Variants in ABCF3 observed in about 807,000 individuals in gnomAD.
ABCF3 encodes ATP-binding cassette sub-family F member 3.
In ABCF3, 62 loss-of-function variants were observed where a neutral mutation model predicts 94.3. The ratio of observed to expected loss-of-function variants is 0.66; its 90% CI spans 0.54 to 0.81. The LOEUF is 0.81. Ranked by LOEUF, ABCF3 falls within the 40% of genes least tolerant of loss-of-function variation. The probability of loss-of-function intolerance (pLI) is 0.00; values close to 1 mark genes in which losing one functional copy is unlikely to be tolerated. For missense variants in ABCF3, 843 were observed against 925.3 expected, an observed-to-expected ratio of 0.91 and a Z score of 1.15; for synonymous variants, 355 against 361.1, an observed-to-expected ratio of 0.98 and a Z score of 0.19.
chr3:184,188,860 C>G lies in ABCF3; in HGVS notation c.917+19C>G. 6.2e-7 allele frequency: 1 copy of G among 1,614,104 alleles called. No homozygotes were observed. Among genetic ancestry groups the G allele is most frequent in the Non-Finnish European group, 8.5e-7 (1 of 1,179,974 alleles). Reference sequence around the variant, plus strand: ...CTGCCAGGTATTTAAAGCTCCCCCTCCCTCCTTCAGATTTCCTTTCCCTTC... The same window carrying G: ...CTGCCAGGTATTTAAAGCTCCCCCTGCCTCCTTCAGATTTCCTTTCCCTTC... On this transcript the variant is annotated intron_variant, in intron 8 of 20. Coordinates refer to ENST00000429586, the MANE Select transcript of ABCF3 (RefSeq NM_018358.3).
chr3:184,186,442 G>C (rs1187662907), intron 1 of ABCF3, 65 bp from the exon 2 acceptor site: 1 of 1,581,450 alleles, frequency 6.3e-7, no homozygotes, highest in Non-Finnish European at 8.6e-7. Context: ...CTCTGTCTGG[G>C]GTCTGAAACT....
At position 184,193,168 on chromosome 3, in the gene ABCF3, G is replaced by A. The variant is rs756321624; in HGVS notation, c.1817G>A (p.Arg606His). Residue 606 changes from arginine (R) to histidine (H), a missense_variant, in exon 19 of 21, where the codon CGT becomes CAT. By Grantham distance (29) the Arg-to-His change is conservative. Transcript: ENST00000429586. The surrounding 1 kb of genome is among the most constrained non-coding windows in gnomAD (Gnocchi z 5.2). Reference sequence around the variant, plus strand: ...GGCATCTCCGGAGAACTGGCCATGCGTCCTCTTGCCAGCCTGTCTGGGGGC... The same window carrying A: ...GGCATCTCCGGAGAACTGGCCATGCATCCTCTTGCCAGCCTGTCTGGGGGC... ...RYGISGELAMRPLASLSGGQK... is the reference protein window; with the variant it reads ...RYGISGELAMHPLASLSGGQK... 40 of 1,568,900 alleles carry A rather than the reference G, an allele frequency of 2.5e-5. No individual in the cohort carries two copies. The highest frequency in any genetic ancestry group is 1.4e-5 in the African/African-American group (1 of 73,594).
intron 16 of ABCF3, among the ~76,000 whole-genome samples, chr3:184,191,738 AGTT>A (rs2109045463): frequency 2.9e-5 from 1 of 34,290 alleles, no homozygotes; most frequent in South Asian, 1.1e-3. Context: ...TTTTCTGTAG[AGTT>A]AGAGTTCCTT....
In ABCF3 at chr3:184,189,675, C is replaced by A; in HGVS notation, c.1232C>A (p.Thr411Asn). The change falls in exon 13 of 21, where the codon ACC becomes AAC. Residue 411 changes from threonine to asparagine, a missense_variant. Transcript: ENST00000429586. ...GATGGTTACCGGGGAGACTTTGAGA[C>A]CTTCATCAAGAGTAAGCAGGAGCGG... ...RLDGYRGDFE[T>N]FIKSKQERLL... 1 of 1,614,186 alleles carries A rather than the reference C, an allele frequency of 6.2e-7. No homozygotes were observed.
chr3:184,186,643 C>T lies in ABCF3; in HGVS notation c.210C>T (p.Asn70=), dbSNP rs747952666. ...GIRAVCQRMY[N]TLRLAEPQSQ... is the part of the protein sequence containing the mutation. ...GGGCCGTGTGCCAGCGCATGTACAA[C>T]ACTCTGCGTCTGTATGTGCCAGGGA... Residue 70 remains asparagine (N), a synonymous_variant, in exon 2 of 21, where the codon AAC becomes AAT. Coordinates refer to ENST00000429586, the MANE Select transcript of ABCF3 (RefSeq NM_018358.3). The T allele has an allele frequency of 6.2e-7, 1 of 1,609,058 alleles. No homozygotes were observed.
intron 14 of ABCF3, 110 bp downstream of exon 14, chr3:184,190,041 A>T: frequency 5.3e-6 from 6 of 1,137,414 alleles, no homozygotes; most frequent in Non-Finnish European, 7.8e-6. Flanking sequence ...GCTAGAAGCC[A>T]ACTGTGACTT....
At position 184,193,720 on chromosome 3, in the gene ABCF3, C is replaced by T. The variant is rs1165798412; in HGVS notation, c.*22C>T. On this transcript the variant is annotated 3_prime_UTR_variant, in exon 21 of 21. Transcript: ENST00000429586. The surrounding 1 kb of genome is among the most constrained non-coding windows in gnomAD (Gnocchi z 5.2). ...CTAGGGCCACCAGGCTGAGGACTCG[C>T]CCAGGACATGGACTGGTCTCTCAGA... 1.3e-6 allele frequency: 2 copies of T among 1,579,964 alleles called. No homozygotes were observed. The highest frequency in any genetic ancestry group is 1.7e-6 in the Non-Finnish European group (2 of 1,162,344).
chr3:184,188,440 C>G, intron 7 of ABCF3, 33 bp downstream of exon 7: 1 of 1,585,670 alleles, frequency 6.3e-7, no homozygotes, highest in Non-Finnish European at 8.6e-7. Context: ...TAACTAGCAG[C>G]CGCTGTCGCT....
At chr3:184,190,081 C>G in intron 14 of ABCF3, 150 bp downstream of exon 14, 3 of 809,522 alleles carry the variant, frequency 3.7e-6, no homozygotes, top group Non-Finnish European at 6.0e-6. Context: ...GAGTATTCCA[C>G]ACTGTTCTTG....
intron 1 of ABCF3, 92 bp downstream of exon 1, chr3:184,186,372 C>G (rs538039758): frequency 6.3e-7 from 1 of 1,590,728 alleles, no homozygotes; most frequent in African/African-American, 1.3e-5. Flanking sequence ...GTTGCCAGGC[C>G]TCTCCTCTGC....
chr3:184,188,366 A>G lies in ABCF3; in HGVS notation c.795A>G (p.Leu265=). 1 of 1,613,264 alleles carries G rather than the reference A, an allele frequency of 6.2e-7. No individual in the cohort carries two copies. Among genetic ancestry groups the G allele is most frequent in the Non-Finnish European group, 8.5e-7 (1 of 1,179,788 alleles). ...LESDSVREDL[L]RRERELTAQI... The stretch of plus-strand genomic sequence containing the variant: ...GTGACAGTGTGCGAGAGGATTTGCT[A>G]CGGAGGGAGCGGGAGCTCACTGCCC... The change falls in exon 7 of 21, where the codon CTA becomes CTG. Residue 265 remains leucine (L), a synonymous_variant. Transcript: ENST00000429586.
At chr3:184,189,310 A>G (rs1185184859) in intron 11 of ABCF3, 33 bp downstream of exon 11, 2 of 1,613,960 alleles carry the variant, frequency 1.2e-6, no homozygotes, top group African/African-American at 2.7e-5. Flanking sequence ...TGACTTTAGG[A>G]TGGGCAGGGG....
intron 2 of ABCF3, 59 bp downstream of exon 2, chr3:184,186,713 A>T: frequency 6.3e-7 from 1 of 1,591,848 alleles, no homozygotes. Context: ...GTCCGGAGAC[A>T]AGAGGTGGGG....
chr3:184,189,893 C>T lies in ABCF3; in HGVS notation c.1353C>T (p.Ala451=), dbSNP rs575860562. 1.2e-6 allele frequency: 2 copies of T among 1,614,232 alleles called. No homozygotes were observed. Among genetic ancestry groups the T allele is most frequent in the African/African-American group, 1.3e-5 (1 of 75,068 alleles). Residue 451 remains alanine (A), a synonymous_variant, in exon 14 of 21, where the codon GCC becomes GCT. Transcript: ENST00000429586. The part of the protein sequence containing the change: ...IDRFRYNANR[A]SQVQSKLKML... Reference sequence around the variant, plus strand: ...GGTTTCGCTACAATGCCAACAGGGCCTCTCAAGTGCAGAGTAAACTCAAGA... The same window carrying T: ...GGTTTCGCTACAATGCCAACAGGGCTTCTCAAGTGCAGAGTAAACTCAAGA...
rs184162739 is a variant in ABCF3, at chr3:184,193,682, G to A, written c.2114G>A (p.Arg705His). The A allele has an allele frequency of 2.0e-4, 327 of 1,612,018 alleles. No individual in the cohort carries two copies. Among genetic ancestry groups the A allele is most frequent in the Non-Finnish European group, 2.5e-4 (292 of 1,178,774 alleles). Residue 705 changes from arginine to histidine, a missense_variant, in exon 21 of 21, where the codon CGC (arginine) becomes CAC (histidine). Transcript: ENST00000429586. The surrounding 1 kb of genome is among the most constrained non-coding windows in gnomAD (Gnocchi z 5.2). ...GCCCTCCTCCAGGAACAGTTCCGCCGCGAAGGCTTCCTCTAGGGCCACCAG... is the reference window on the plus strand; with the variant it reads ...GCCCTCCTCCAGGAACAGTTCCGCCACGAAGGCTTCCTCTAGGGCCACCAG... Reference protein sequence around the residue: ...YRALLQEQFRREGFL With the variant: ...YRALLQEQFRHEGFL
chr3:184,192,892 T>C lies in ABCF3; in HGVS notation c.1746T>C (p.Phe582=). ...VSAVELLARK[F]PGRPEEEYRH... ...CTGTGGAACTGCTGGCACGCAAGTT[T>C]CCTGGTGAGTTAGGGATTTGAGTCG... Residue 582 remains phenylalanine, a synonymous_variant, in exon 18 of 21, where the codon TTT becomes TTC. Coordinates refer to ENST00000429586, the MANE Select transcript of ABCF3 (RefSeq NM_018358.3). The C allele has an allele frequency of 6.2e-7, 1 of 1,614,064 alleles. No homozygotes were observed. The highest frequency in any genetic ancestry group is 8.5e-7 in the Non-Finnish European group (1 of 1,179,984).
At chr3:184,192,396 C>G (rs1716081317) in intron 16 of ABCF3, among the ~76,000 whole-genome samples, 1 of 152,168 alleles carries the variant, frequency 6.6e-6, no homozygotes, top group Non-Finnish European at 1.5e-5. Flanking sequence ...TCCTATCTAA[C>G]TGCAATTTTG....
chr3:184,190,887 C>G, intron 14 of ABCF3, 112 bp from the exon 15 acceptor site: 5 of 1,242,334 alleles, frequency 4.0e-6, no homozygotes, highest in African/African-American at 1.5e-5. Context: ...AGTAATGATA[C>G]CTGAGTGGTA....
rs748314917 is a variant in ABCF3, at chr3:184,190,990, T to G, written c.1392-9T>G. The G allele has an allele frequency of 6.2e-7, 1 of 1,614,082 alleles. No individual in the cohort carries two copies. The highest frequency in any genetic ancestry group is 8.5e-7 in the Non-Finnish European group (1 of 1,179,990). ...TAATAAATCTAGTCTACCTCATCTC[T>G]TCTCCCAGGCCTGAGCTGAAGCCTG... On this transcript the variant is annotated splice_polypyrimidine_tract_variant and intron_variant, in intron 14 of 20. Transcript: ENST00000429586.
Sources: gnomAD v4.1 joint callset for allele counts (sites outside exome capture counted in the v4.1 genomes callset) on GRCh38, gnomAD v4.1.1 for gene constraint, Gnocchi (gnomAD v3.1) non-coding constraint, MANE v1.5 for transcripts, NCBI Gene and HGNC (gene_info 2026-07-23, HGNC 2026-07-21) for gene names.